Variants in ERBB4 observed in about 807,000 individuals in gnomAD.
The protein encoded by ERBB4 is receptor tyrosine-protein kinase erbB-4.
In ERBB4, 42 loss-of-function variants were observed where a neutral mutation model predicts 158.0. The ratio of observed to expected loss-of-function variants is 0.27; its 90% CI spans 0.21 to 0.34. The LOEUF (loss-of-function observed/expected upper bound fraction) is 0.34. Ranked by LOEUF, ERBB4 falls within the 10% of genes least tolerant of loss-of-function variation. The pLI is 1.00. For missense variants in ERBB4, 1,333 were observed against 1,624.1 expected, an observed-to-expected ratio of 0.82 and a Z score of 3.08; for synonymous variants, 583 against 558.7, an observed-to-expected ratio of 1.04 and a Z score of -0.61.
intron 3 of ERBB4, among the ~76,000 whole-genome samples, chr2:211,874,254 A>T (rs1308217414): frequency 2.0e-5 from 3 of 152,178 alleles, no homozygotes; most frequent in Non-Finnish European, 4.4e-5. Context: ...GAATATTTTG[A>T]TAGCAGCCTC....
chr2:212,311,846 C>T (rs1335046505), intron 1 of ERBB4, among the ~76,000 whole-genome samples: 2 of 150,982 alleles, frequency 1.3e-5, no homozygotes, highest in Non-Finnish European at 1.5e-5. Flanking sequence ...GAGAAAGCCA[C>T]ATCTACAGCC....
At position 211,988,808 on chromosome 2, in the gene ERBB4, A is replaced by C. The variant is rs149349583; in HGVS notation, c.235-41192T>G. On this transcript the variant is annotated intron_variant, in intron 2 of 27. Transcript: ENST00000342788. ...TTTTATCAATCTTTGCATGTTTTCC[A>C]ACCCCAAGGTCATTGGAGCTTAAGT... Among the ~76,000 whole-genome samples the C allele has an allele frequency of 2.7e-3, 410 of 152,122 alleles. 3 individuals carry two copies. Among genetic ancestry groups the C allele is most frequent in the Non-Finnish European group, 3.7e-3 (251 of 67,920 alleles).
intron 1 of ERBB4, among the ~76,000 whole-genome samples, chr2:212,530,302 A>G (rs1692683766): frequency 6.6e-6 from 1 of 152,290 alleles, no homozygotes; most frequent in South Asian, 2.1e-4. Flanking sequence ...TCTGTTCTAG[A>G]CAAAATTACC....
At chr2:211,604,146 T>C (rs538924832) in intron 19 of ERBB4, among the ~76,000 whole-genome samples, 1 of 152,312 alleles carries the variant, frequency 6.6e-6, no homozygotes, top group East Asian at 1.9e-4. Context: ...ATGCCAGTTA[T>C]CAAGGATGAA....
intron 1 of ERBB4, among the ~76,000 whole-genome samples, chr2:212,218,468 T>C (rs2083179251): frequency 6.6e-6 from 1 of 151,272 alleles, no homozygotes. Context: ...TAAGGAAGCC[T>C]AGATGGTAAG....
intron 25 of ERBB4, among the ~76,000 whole-genome samples, chr2:211,410,867 C>A (rs575308277): frequency 6.6e-6 from 1 of 152,148 alleles, no homozygotes; most frequent in Non-Finnish European, 1.5e-5. Context: ...AATTAAAGAA[C>A]AATAACAATT....
At chr2:212,117,478 T>G (rs1299169702) in intron 2 of ERBB4, among the ~76,000 whole-genome samples, 1 of 152,176 alleles carries the variant, frequency 6.6e-6, no homozygotes, top group African/African-American at 2.4e-5. Flanking sequence ...TAGACTACTG[T>G]GCTCAATGAA....
intron 3 of ERBB4, among the ~76,000 whole-genome samples, chr2:211,802,603 C>T (rs1054715996): frequency 6.6e-6 from 1 of 152,092 alleles, no homozygotes; most frequent in African/African-American, 2.4e-5. Flanking sequence ...ACCGGAAATA[C>T]ATTTTTGAAA....
intron 4 of ERBB4, among the ~76,000 whole-genome samples, chr2:211,765,219 C>A (rs571165420): frequency 6.6e-6 from 1 of 152,150 alleles, no homozygotes; most frequent in East Asian, 1.9e-4. Context: ...TGTAGAAACA[C>A]CCACCTTGAG....
At chr2:211,419,216 G>C (rs1378746867) in intron 25 of ERBB4, among the ~76,000 whole-genome samples, 1 of 151,990 alleles carries the variant, frequency 6.6e-6, no homozygotes, top group Non-Finnish European at 1.5e-5. Flanking sequence ...TGTGACACCA[G>C]TCATATCACC....
intron 3 of ERBB4, among the ~76,000 whole-genome samples, chr2:211,860,777 A>G (rs1663717103): frequency 6.6e-6 from 1 of 150,448 alleles, no homozygotes; most frequent in Non-Finnish European, 1.5e-5. Flanking sequence ...ATTCACTCCT[A>G]CATTAACACT....
intron 20 of ERBB4, among the ~76,000 whole-genome samples, chr2:211,488,851 G>C (rs76218832): frequency 0.075 from 11,323 of 151,984 alleles, 537 homozygotes; most frequent in Middle Eastern, 0.13. Context: ...TACTAATGAG[G>C]CTAATAAAAT....
At chr2:212,168,367 T>G (rs368977399) in intron 1 of ERBB4, among the ~76,000 whole-genome samples, 1 of 152,150 alleles carries the variant, frequency 6.6e-6, no homozygotes, top group East Asian at 1.9e-4. Context: ...TTCATTAGAA[T>G]TATTCTTCTT....
intron 1 of ERBB4, among the ~76,000 whole-genome samples, chr2:212,155,165 T>C (rs13003352): frequency 6.6e-6 from 1 of 152,138 alleles, no homozygotes; most frequent in Non-Finnish European, 1.5e-5. Flanking sequence ...TTAAAGCTTG[T>C]CTTAAGAAAA....
chr2:211,457,163 T>C (rs1292236824), intron 20 of ERBB4, among the ~76,000 whole-genome samples: 3 of 152,288 alleles, frequency 2.0e-5, no homozygotes, highest in East Asian at 3.9e-4. Flanking sequence ...CTTCACACTA[T>C]ACCATGTGAA....
chr2:211,675,484 G>A (rs1468862356), intron 13 of ERBB4, among the ~76,000 whole-genome samples: 4 of 151,908 alleles, frequency 2.6e-5, no homozygotes, highest in African/African-American at 9.7e-5. Flanking sequence ...GCTTAGTCTG[G>A]TTCCCTCTTT....
chr2:212,155,667 C>G (rs2081014452), intron 1 of ERBB4, among the ~76,000 whole-genome samples: 1 of 152,002 alleles, frequency 6.6e-6, no homozygotes, highest in African/African-American at 2.4e-5. Context: ...AAAAAATACA[C>G]CTTCATTTTC....
chr2:211,716,585 A>G (rs965302041), intron 7 of ERBB4, among the ~76,000 whole-genome samples: 6 of 151,986 alleles, frequency 3.9e-5, no homozygotes, highest in South Asian at 4.1e-4. Context: ...CTGAGGCAGG[A>G]GAATGGCGTG....
At chr2:211,597,395 T>C (rs1268120678) in intron 19 of ERBB4, among the ~76,000 whole-genome samples, 1 of 152,194 alleles carries the variant, frequency 6.6e-6, no homozygotes, top group African/African-American at 2.4e-5. Context: ...AATCAGAACA[T>C]AATAACATAA....
Sources: gnomAD v4.1 joint callset for allele counts (sites outside exome capture counted in the v4.1 genomes callset) on GRCh38, gnomAD v4.1.1 for gene constraint, MANE v1.5 for transcripts, NCBI Gene and HGNC (gene_info 2026-07-23, HGNC 2026-07-21) for gene names.